Variants in CMSS1 observed in about 807,000 individuals in gnomAD.
CMSS1 encodes cms1 ribosomal small subunit homolog, also known as protein CMSS1.
Under a neutral mutation model 43.5 loss-of-function variants are expected in CMSS1, and 33 were observed. The ratio of observed to expected loss-of-function variants is 0.76; its 90% CI spans 0.57 to 1.01. The LOEUF (loss-of-function observed/expected upper bound fraction) is 1.01, where lower values mean the gene tolerates loss of function less well. CMSS1 is among the 50% of genes least tolerant of loss of function. The pLI is 0.00. For missense variants in CMSS1, 313 were observed against 326.4 expected, an observed-to-expected ratio of 0.96 and a Z score of 0.32; for synonymous variants, 115 against 117.2, an observed-to-expected ratio of 0.98 and a Z score of 0.12.
chr3:99,956,961 G>T (rs1708338347), intron 1 of CMSS1, among the ~76,000 whole-genome samples: 1 of 152,104 alleles, frequency 6.6e-6, no homozygotes, highest in Non-Finnish European at 1.5e-5. Flanking sequence ...TCTTAAAGAG[G>T]TCTTCCTACC....
intron 1 of CMSS1, among the ~76,000 whole-genome samples, chr3:99,839,008 T>C (rs1020283951): frequency 6.6e-6 from 1 of 152,128 alleles, no homozygotes; most frequent in African/African-American, 2.4e-5. Flanking sequence ...CTGCTCACTG[T>C]TCCTTGAATG....
At chr3:100,051,581 C>T (rs886485931) in intron 1 of CMSS1, among the ~76,000 whole-genome samples, 1 of 143,862 alleles carries the variant, frequency 7.0e-6, no homozygotes, top group Non-Finnish European at 1.5e-5. Flanking sequence ...TGTTCATTTC[C>T]CACCTATGAG....
chr3:100,066,659 G>A (rs1424480948), intron 1 of CMSS1, among the ~76,000 whole-genome samples: 1 of 125,998 alleles, frequency 7.9e-6, no homozygotes, highest in Non-Finnish European at 1.7e-5. Flanking sequence ...AGCCTCCCAA[G>A]TAGCTGGGAC....
At chr3:99,886,133 G>C (rs1705888016) in intron 1 of CMSS1, among the ~76,000 whole-genome samples, 1 of 152,238 alleles carries the variant, frequency 6.6e-6, no homozygotes, top group Admixed American at 6.5e-5. Flanking sequence ...ACGTGAGTGA[G>C]AGATGATTTA....
intron 1 of CMSS1, among the ~76,000 whole-genome samples, chr3:99,880,906 T>C (rs1448068969): frequency 6.6e-6 from 1 of 152,192 alleles, no homozygotes; most frequent in East Asian, 1.9e-4. Flanking sequence ...GTATATTATG[T>C]TTCTTTTTGC....
chr3:99,840,265 C>T (rs1943076096), intron 1 of CMSS1, among the ~76,000 whole-genome samples: 1 of 147,312 alleles, frequency 6.8e-6, no homozygotes, highest in Admixed American at 6.8e-5. Context: ...GCTCTGTCGC[C>T]CAGGCTGGAG....
chr3:99,898,038 T>C (rs1390072759), intron 1 of CMSS1: 3 of 152,204 alleles, frequency 2.0e-5, no homozygotes, highest in South Asian at 2.1e-4. Context: ...GGTTTTTTTT[T>C]CTCCAGTTAG....
chr3:99,885,005 G>A (rs1373536703), intron 1 of CMSS1, among the ~76,000 whole-genome samples: 1 of 152,170 alleles, frequency 6.6e-6, no homozygotes, highest in Non-Finnish European at 1.5e-5. Flanking sequence ...ATTGTGCTAC[G>A]ATACTGTTCT....
intron 1 of CMSS1, among the ~76,000 whole-genome samples, chr3:100,135,438 ATGTG>A (rs71132511): frequency 0.077 from 9,350 of 120,724 alleles, 361 homozygotes; most frequent in African/African-American, 0.13. Flanking sequence ...GTGTGTGTGC[ATGTG>A]TGTGTGTGTG....
At chr3:99,841,222 G>A (rs1167551460) in intron 1 of CMSS1, among the ~76,000 whole-genome samples, 2 of 152,192 alleles carry the variant, frequency 1.3e-5, no homozygotes. Context: ...TGACAGATTG[G>A]CCCAGAGTAT....
rs2066546568 is a variant in CMSS1 at position 100,115,049 on chromosome 3, A to T, written c.65-31924A>T. 5 of 1,256,670 alleles carry T rather than the reference A, an allele frequency of 4.0e-6. No individual in the cohort carries two copies. In the Middle Eastern group the frequency reaches 9.2e-4, roughly 230 times the overall value. The allele number at this position is 1,256,670 out of a possible 1,614,324, so 77.8% of individuals were successfully genotyped here. ...TTTTGTTTTATATTATTCAAGTGTT[A>T]AGAAAACCTTCATACTTAGGATTGC... On this transcript the variant is annotated intron_variant, in intron 1 of 9. Transcript: ENST00000421999.
chr3:99,860,065 T>A (rs1944167175), intron 1 of CMSS1, among the ~76,000 whole-genome samples: 1 of 152,212 alleles, frequency 6.6e-6, no homozygotes, highest in Non-Finnish European at 1.5e-5. Context: ...TGAGTGTACA[T>A]CTATGTCTGC....
At chr3:100,098,010 A>G (rs182241129) in intron 1 of CMSS1, among the ~76,000 whole-genome samples, 1 of 152,340 alleles carries the variant, frequency 6.6e-6, no homozygotes, top group African/African-American at 2.4e-5. Flanking sequence ...AGGCATAGTA[A>G]TGGTACGTGC....
At chr3:100,147,181 A>C in intron 2 of CMSS1, 120 bp downstream of exon 2, 1 of 1,058,120 alleles carries the variant, frequency 9.5e-7, no homozygotes, top group Non-Finnish European at 1.3e-6. Context: ...AGAGCCTTTT[A>C]CTTTCTTTCC....
intron 1 of CMSS1, among the ~76,000 whole-genome samples, chr3:99,828,642 G>T (rs4600847): frequency 6.8e-6 from 1 of 147,740 alleles, no homozygotes; most frequent in Non-Finnish European, 1.5e-5. Context: ...TTTTCGGAGA[G>T]ACAAGGTCTT....
chr3:100,172,419 A>T lies in CMSS1; in HGVS notation c.667+16A>T. On this transcript the variant is annotated intron_variant, in intron 8 of 9. Coordinates refer to ENST00000421999, the MANE Select transcript of CMSS1 (RefSeq NM_032359.4). Reference sequence around the variant, plus strand: ...GTTAAACAAGGTATGACAAGAGGGCAGTGATACTCTTGCCCAGGGCTGGGA... The same window carrying T: ...GTTAAACAAGGTATGACAAGAGGGCTGTGATACTCTTGCCCAGGGCTGGGA... 6.3e-7 allele frequency: 1 copy of T among 1,589,458 alleles called. No individual in the cohort carries two copies. The highest frequency in any genetic ancestry group is 8.6e-7 in the Non-Finnish European group (1 of 1,157,970).
intron 1 of CMSS1, among the ~76,000 whole-genome samples, chr3:99,918,614 T>C (rs1707028655): frequency 6.6e-6 from 1 of 152,172 alleles, no homozygotes; most frequent in Non-Finnish European, 1.5e-5. Context: ...AACCGCTGAA[T>C]TGTGCAGTTT....
intron 1 of CMSS1, among the ~76,000 whole-genome samples, chr3:100,128,206 T>C (rs2107497506): frequency 6.6e-6 from 1 of 152,370 alleles, no homozygotes; most frequent in Non-Finnish European, 1.5e-5. Flanking sequence ...TCCTGGTCTG[T>C]GCACTGAACT....
rs543208155 is a variant in CMSS1, at chr3:99,971,112, C to T, written c.64+153069C>T. Among the ~76,000 whole-genome samples, 45 of 152,136 alleles carry T rather than the reference C, an allele frequency of 3.0e-4. No individual in the cohort carries two copies. In the South Asian group the frequency reaches 3.7e-3, roughly 13 times the overall value. On this transcript the variant is annotated intron_variant, in intron 1 of 9. Coordinates refer to ENST00000421999, the MANE Select transcript of CMSS1 (RefSeq NM_032359.4). Reference sequence around the variant, plus strand: ...CAGCACTTTGGGAGGCCAAGGCGGGCGGATCACTAGGTCAGGAGATCGAGA... The same window carrying T: ...CAGCACTTTGGGAGGCCAAGGCGGGTGGATCACTAGGTCAGGAGATCGAGA...
Sources: allele counts gnomAD v4.1 joint callset (sites outside exome capture counted in the v4.1 genomes callset), GRCh38; gene constraint gnomAD v4.1.1; transcripts MANE v1.5; gene names NCBI Gene and HGNC (gene_info 2026-07-23, HGNC 2026-07-21).